LDLRAD4: variants seen among roughly 807,000 people sequenced by gnomAD.
LDLRAD4 encodes the protein low density lipoprotein receptor class A domain containing 4, also known as low-density lipoprotein receptor class A domain-containing protein 4.
In LDLRAD4, 5 loss-of-function variants were observed where a neutral mutation model predicts 17.0. The observed-to-expected ratio is 0.29, with a 90% CI of 0.15 to 0.62. The LOEUF is 0.62. Ranked by LOEUF, LDLRAD4 falls within the 20% of genes least tolerant of loss-of-function variation. LDLRAD4 has a pLI of 0.84. For missense variants in LDLRAD4, 340 were observed against 424.7 expected (o/e 0.80, Z 1.75); for synonymous variants, 168 against 171.8 (o/e 0.98, Z 0.17).
chr18:13,277,061 C>G (rs1328447634), upstream of LDLRAD4, among the ~76,000 whole-genome samples: 1 of 152,178 alleles, frequency 6.6e-6, no homozygotes, highest in Non-Finnish European at 1.5e-5. Flanking sequence ...TCTGTAGGCT[C>G]CCAACACTGA....
intron 1 of LDLRAD4, among the ~76,000 whole-genome samples, chr18:13,231,004 A>T (rs1009168069): frequency 6.6e-6 from 1 of 151,990 alleles, no homozygotes; most frequent in South Asian, 2.1e-4. Context: ...GCGCAGGGGG[A>T]CCCTTTTAGG....
At chr18:13,607,416 A>G (rs2148677295) in intron 3 of LDLRAD4, among the ~76,000 whole-genome samples, 1 of 152,300 alleles carries the variant, frequency 6.6e-6, no homozygotes, top group South Asian at 2.1e-4. Flanking sequence ...AGGTATTTCT[A>G]ATTCTTTTTT....
intron 3 of LDLRAD4, among the ~76,000 whole-genome samples, chr18:13,538,160 T>C (rs1285633727): frequency 6.6e-6 from 1 of 152,192 alleles, no homozygotes; most frequent in Admixed American, 6.5e-5. Flanking sequence ...CTCTATTACT[T>C]TTCTACTTTT....
At chr18:13,230,123 C>T (rs1006783519) in intron 1 of LDLRAD4, among the ~76,000 whole-genome samples, 13 of 152,106 alleles carry the variant, frequency 8.5e-5, no homozygotes, top group African/African-American at 2.2e-4. Context: ...TAACAGAGGC[C>T]GGAGGAGCTT....
intron 4 of LDLRAD4, among the ~76,000 whole-genome samples, chr18:13,623,033 G>A (rs1417337935): frequency 3.3e-5 from 5 of 152,144 alleles, no homozygotes; most frequent in Admixed American, 2.6e-4. Flanking sequence ...TCTGTTCCTG[G>A]TGCAGACCCA....
chr18:13,467,486 G>A (rs902654990), intron 3 of LDLRAD4, among the ~76,000 whole-genome samples: 2 of 152,204 alleles, frequency 1.3e-5, no homozygotes, highest in Non-Finnish European at 2.9e-5. Context: ...ATTGCTGAAA[G>A]AAATTAAAGA....
intron 3 of LDLRAD4, chr18:13,487,505 G>A (rs1175443321): frequency 6.6e-6 from 1 of 152,268 alleles, no homozygotes; most frequent in Non-Finnish European, 1.5e-5. Context: ...TCTTTCTGTG[G>A]CTACCAAGGC....
chr18:13,433,090 C>T (rs939095691), intron 2 of LDLRAD4, among the ~76,000 whole-genome samples: 1 of 152,192 alleles, frequency 6.6e-6, no homozygotes, highest in African/African-American at 2.4e-5. Context: ...ATTAATAAAA[C>T]ATTGTTGTCA....
At chr18:13,446,570 C>A (rs1186810874) in intron 3 of LDLRAD4, among the ~76,000 whole-genome samples, 3 of 152,234 alleles carry the variant, frequency 2.0e-5, no homozygotes, top group African/African-American at 7.2e-5. Flanking sequence ...CCTCTACAAA[C>A]TGATAAGCTA....
intron 1 of LDLRAD4, among the ~76,000 whole-genome samples, chr18:13,283,443 C>G (rs1384310321): frequency 6.6e-6 from 1 of 152,216 alleles, no homozygotes; most frequent in Non-Finnish European, 1.5e-5. Flanking sequence ...CTTTCAAGTT[C>G]AAAGTTCCAC....
chr18:13,362,411 G>A (rs2083738500), intron 1 of LDLRAD4: 1 of 152,198 alleles, frequency 6.6e-6, no homozygotes, highest in African/African-American at 2.4e-5. Context: ...ACACGCCATA[G>A]ATGGAGGGAA....
chr18:13,463,007 CCAGGGATGGCTTA>C (rs1469967472), intron 3 of LDLRAD4, among the ~76,000 whole-genome samples: 1 of 152,198 alleles, frequency 6.6e-6, no homozygotes, highest in Non-Finnish European at 1.5e-5. Flanking sequence ...GGGGCAGCAG[CCAGGGATGGCTTA>C]CAGGGCAAGC....
At chr18:13,315,519 C>T (rs749990691) in intron 1 of LDLRAD4, among the ~76,000 whole-genome samples, 10 of 152,036 alleles carry the variant, frequency 6.6e-5, no homozygotes, top group Non-Finnish European at 1.3e-4. Context: ...ATAGGCCAGG[C>T]GTGGTGGCTC....
intron 2 of LDLRAD4, among the ~76,000 whole-genome samples, chr18:13,394,965 T>C (rs535270204): frequency 5.5e-4 from 84 of 152,328 alleles, no homozygotes; most frequent in Non-Finnish European, 9.3e-4. Context: ...CCTCTGTTAG[T>C]GTATGGATGT....
intron 1 of LDLRAD4, among the ~76,000 whole-genome samples, chr18:13,379,947 T>A (rs1476390258): frequency 7.4e-6 from 1 of 134,514 alleles, no homozygotes; most frequent in East Asian, 2.2e-4. Flanking sequence ...TCCCTGGGTG[T>A]GGAGGATTGC....
At chr18:13,488,083 G>C (rs2093274117) in intron 3 of LDLRAD4, 2 of 152,434 alleles carry the variant, frequency 1.3e-5, no homozygotes, top group East Asian at 3.8e-4. Context: ...TGGCCCTTGA[G>C]TTCAGCACCT....
intron 1 of LDLRAD4, among the ~76,000 whole-genome samples, chr18:13,373,231 C>G (rs1401479402): frequency 1.3e-5 from 2 of 152,016 alleles, no homozygotes; most frequent in African/African-American, 4.8e-5. Context: ...CTCATCGCAG[C>G]AGTTGTAGCG....
At chr18:13,454,635 C>T (rs2092023907) in intron 3 of LDLRAD4, among the ~76,000 whole-genome samples, 1 of 152,218 alleles carries the variant, frequency 6.6e-6, no homozygotes, top group Non-Finnish European at 1.5e-5. Flanking sequence ...TGAAGGATGC[C>T]TGTCTCTGCA....
At chr18:13,231,219 G>GA (rs1450070774) in intron 1 of LDLRAD4, among the ~76,000 whole-genome samples, 1 of 152,208 alleles carries the variant, frequency 6.6e-6, no homozygotes, top group African/African-American at 2.4e-5. Context: ...GAGGAAGCGG[G>GA]AGGGAGAAGG....
Sources: allele counts gnomAD v4.1 joint callset (sites outside exome capture counted in the v4.1 genomes callset), GRCh38; gene constraint gnomAD v4.1.1; transcripts MANE v1.5; gene names NCBI Gene and HGNC (gene_info 2026-07-23, HGNC 2026-07-21).